Variants in HDAC2 observed in about 807,000 individuals in gnomAD.
HDAC2 encodes the protein histone deacetylase 2, also known as YY1-associated factor 1.
Under a neutral mutation model 68.5 loss-of-function variants are expected in HDAC2, and 5 were observed. The observed-to-expected ratio is 0.07, with a 90% CI of 0.04 to 0.15. The LOEUF is 0.15. HDAC2 is among the 10% of genes least tolerant of loss of function. HDAC2 has a pLI of 1.00. For missense variants in HDAC2, 291 were observed against 600.8 expected (o/e 0.48, Z 5.39); for synonymous variants, 182 against 191.3 (o/e 0.95, Z 0.40).
At chr6:113,943,566 A>G (rs1336508314) in intron 11 of HDAC2, 60 bp from the exon 12 acceptor site, 1 of 1,346,684 alleles carries the variant, frequency 7.4e-7, no homozygotes, top group Non-Finnish European at 1.0e-6. Context: ...TAATCATTAC[A>G]GCATACTCAT....
chr6:113,945,032 AATT>A (rs1258649749), intron 10 of HDAC2, among the ~76,000 whole-genome samples: 2 of 152,116 alleles, frequency 1.3e-5, no homozygotes, highest in African/African-American at 4.8e-5. Context: ...TAATAAAAAA[AATT>A]ATTTCCATTA....
intron 1 of HDAC2, among the ~76,000 whole-genome samples, chr6:113,966,113 G>A (rs1440731716): frequency 6.6e-6 from 1 of 152,156 alleles, no homozygotes; most frequent in Non-Finnish European, 1.5e-5. Context: ...AAGGAAAAGT[G>A]GTAGACTGCA....
intron 12 of HDAC2, among the ~76,000 whole-genome samples, chr6:113,942,679 G>C (rs1304109937): frequency 6.6e-6 from 1 of 152,090 alleles, no homozygotes; most frequent in Non-Finnish European, 1.5e-5. Flanking sequence ...AAAATCCTGT[G>C]AGGTGCTATA....
intron 3 of HDAC2, among the ~76,000 whole-genome samples, chr6:113,957,485 C>CT (rs200098767): frequency 0.17 from 25,415 of 145,600 alleles, 2,222 homozygotes; most frequent in East Asian, 0.22. Context: ...AGATCATAAT[C>CT]TTTTTTTTTT....
At chr6:113,956,329 C>A in intron 4 of HDAC2, 178 bp from the exon 5 acceptor site, 1 of 578,166 alleles carries the variant, frequency 1.7e-6, no homozygotes. Context: ...TCTCCTAGAG[C>A]TGCAACCTGA....
rs1193774214 is a variant in HDAC2 at position 113,945,999 on chromosome 6, A to G, written c.982+9T>C. The G allele has an allele frequency of 1.9e-6, 3 of 1,605,702 alleles. No individual in the cohort carries two copies. The highest frequency in any genetic ancestry group is 2.6e-6 in the Non-Finnish European group (3 of 1,172,588). ...CATACAATAAAGATATTGTAATGAG[A>G]ACACTTACCATTGGGAATCTCACAA... On this transcript the variant is annotated intron_variant, in intron 9 of 13. Coordinates refer to ENST00000519065, the MANE Select transcript of HDAC2 (RefSeq NM_001527.4).
intron 6 of HDAC2, among the ~76,000 whole-genome samples, chr6:113,949,602 T>C (rs998469515): frequency 2.6e-5 from 4 of 152,166 alleles, no homozygotes; most frequent in African/African-American, 7.2e-5. Flanking sequence ...ATATTTAAGA[T>C]GACAAGGCAA....
rs111892903 is a variant in HDAC2, at chr6:113,937,600, G to C, written c.*3458C>G. The stretch of plus-strand genomic sequence containing the variant: ...AACATGATAGGTTTAGGCCGGGTAC[G>C]GTGGCTCATGCCTGAGTCAGGAGAA... On this transcript the variant is annotated 3_prime_UTR_variant, in exon 14 of 14. Coordinates refer to ENST00000519065, the MANE Select transcript of HDAC2 (RefSeq NM_001527.4). 6.6e-6 allele frequency: 1 copy of C among 152,230 alleles called. No homozygotes were observed. The highest frequency in any genetic ancestry group is 2.4e-5 in the African/African-American group (1 of 41,450). The allele number at this position is 152,230 out of a possible 1,614,324, so 9.4% of individuals were successfully genotyped here.
intron 1 of HDAC2, among the ~76,000 whole-genome samples, chr6:113,964,401 C>A (rs541728759): frequency 2.0e-5 from 3 of 152,220 alleles, no homozygotes; most frequent in East Asian, 3.9e-4. Flanking sequence ...ACATTCGGAG[C>A]CTTGGCTTCC....
Position 113,971,053 on chromosome 6 carries a change from G to A in HDAC2, c.-145C>T. ...GCGGGGAAGGGCAGGCCGGTGGGAG[G>A]AGAGGAGGGGGCGCCGGGAAGGCTC... On this transcript the variant is annotated 5_prime_UTR_variant, in exon 1 of 14. Coordinates refer to ENST00000519065, the MANE Select transcript of HDAC2 (RefSeq NM_001527.4). The A allele has an allele frequency of 1.3e-6, 2 of 1,563,768 alleles. No homozygotes were observed. The highest frequency in any genetic ancestry group is 1.7e-6 in the Non-Finnish European group (2 of 1,153,230).
chr6:113,960,695 TAAC>T (rs1776662944), intron 1 of HDAC2, among the ~76,000 whole-genome samples: 1 of 152,002 alleles, frequency 6.6e-6, no homozygotes, highest in Non-Finnish European at 1.5e-5. Context: ...AAAGAGAAAA[TAAC>T]AAAATCACAG....
At chr6:113,942,117 T>C (rs1388596781) in intron 12 of HDAC2, among the ~76,000 whole-genome samples, 2 of 152,040 alleles carry the variant, frequency 1.3e-5, no homozygotes, top group Non-Finnish European at 2.9e-5. Context: ...AGAGAGTTTA[T>C]TTTTTAAGCA....
Position 113,940,428 on chromosome 6 carries a change from G to C in HDAC2, c.*630C>G, listed in dbSNP as rs1013526054. On this transcript the variant is annotated 3_prime_UTR_variant, in exon 14 of 14. Coordinates refer to ENST00000519065, the MANE Select transcript of HDAC2 (RefSeq NM_001527.4). Reference sequence around the variant, plus strand: ...TTGAGAATCTTTGGGTCAACTCAAAGAACTCCTACATCTCAATTGCAGAGT... The same window carrying C: ...TTGAGAATCTTTGGGTCAACTCAAACAACTCCTACATCTCAATTGCAGAGT... 6.6e-6 allele frequency: 1 copy of C among 152,136 alleles called. No individual in the cohort carries two copies. Among genetic ancestry groups the C allele is most frequent in the African/African-American group, 2.4e-5 (1 of 41,438 alleles). 9.4% of individuals were successfully genotyped at this position (152,136 alleles called of 1,614,324 possible).
intron 1 of HDAC2, among the ~76,000 whole-genome samples, chr6:113,965,592 C>G (rs1776793338): frequency 6.6e-6 from 1 of 152,168 alleles, no homozygotes; most frequent in Non-Finnish European, 1.5e-5. Context: ...AGGCTGGTCT[C>G]AAACTCCTGA....
chr6:113,957,403 T>C (rs1486632494), intron 3 of HDAC2: 1 of 152,236 alleles, frequency 6.6e-6, no homozygotes, highest in East Asian at 1.9e-4. Flanking sequence ...TTGTTTTGTA[T>C]ATTAATATCT....
intron 1 of HDAC2, among the ~76,000 whole-genome samples, chr6:113,967,111 TGAA>T (rs1456089736): frequency 1.3e-5 from 2 of 152,142 alleles, no homozygotes; most frequent in African/African-American, 2.4e-5. Flanking sequence ...TATAATTTGC[TGAA>T]GAAGGAGTAC....
chr6:113,948,806 T>C (rs1410259457), intron 8 of HDAC2, 173 bp downstream of exon 8: 8 of 603,722 alleles, frequency 1.3e-5, no homozygotes, highest in Non-Finnish European at 2.2e-5. Flanking sequence ...AAATCTGCCA[T>C]AATGAAACAA....
chr6:113,941,856 T>C (rs904557502), intron 12 of HDAC2, 91 bp from the exon 13 acceptor site: 7 of 374,206 alleles, frequency 1.9e-5, no homozygotes, highest in African/African-American at 1.1e-4. Context: ...TTTTAAAATA[T>C]AAAAAGTTAT....
intron 1 of HDAC2, among the ~76,000 whole-genome samples, chr6:113,969,337 A>G (rs1776917163): frequency 6.6e-6 from 1 of 152,236 alleles, no homozygotes; most frequent in East Asian, 1.9e-4. Flanking sequence ...CAAATGACAC[A>G]GGTGGTTATT....
Sources: allele counts gnomAD v4.1 joint callset (sites outside exome capture counted in the v4.1 genomes callset), GRCh38; gene constraint gnomAD v4.1.1; transcripts MANE v1.5; gene names NCBI Gene and HGNC (gene_info 2026-07-23, HGNC 2026-07-21).